The following SKAP2 variants were observed in gnomAD, a reference collection of about 807,000 sequenced individuals.
SKAP2 encodes src kinase-associated phosphoprotein 2.
In SKAP2, 28 loss-of-function variants were observed where a neutral mutation model predicts 54.9. That is an observed-to-expected ratio of 0.51 (90% CI 0.38 to 0.70). The LOEUF (loss-of-function observed/expected upper bound fraction) is 0.70. Ranked by LOEUF, SKAP2 falls within the 30% of genes least tolerant of loss-of-function variation. SKAP2 has a pLI of 0.00. For missense variants in SKAP2, 356 were observed against 424.1 expected, an observed-to-expected ratio of 0.84 and a Z score of 1.41; for synonymous variants, 137 against 134.3, an observed-to-expected ratio of 1.02 and a Z score of -0.14.
intron 4 of SKAP2, among the ~76,000 whole-genome samples, chr7:26,818,961 T>G (rs1784327806): frequency 6.6e-6 from 1 of 152,180 alleles, no homozygotes; most frequent in African/African-American, 2.4e-5. Flanking sequence ...CAAATGCTTT[T>G]ACACTGTTCG....
chr7:26,792,688 G>A (rs1783695559), intron 4 of SKAP2, among the ~76,000 whole-genome samples: 1 of 152,084 alleles, frequency 6.6e-6, no homozygotes, highest in African/African-American at 2.4e-5. Context: ...GAAAATAAGA[G>A]TGAGTGAGCT....
At chr7:26,793,036 T>C (rs528329187) in intron 4 of SKAP2, among the ~76,000 whole-genome samples, 58 of 152,344 alleles carry the variant, frequency 3.8e-4, no homozygotes, top group Middle Eastern at 3.4e-3. Context: ...TCTTTTCTAA[T>C]GGCAATTAGG....
intron 4 of SKAP2, among the ~76,000 whole-genome samples, chr7:26,802,892 C>T (rs1052454945): frequency 1.3e-5 from 2 of 151,890 alleles, no homozygotes; most frequent in East Asian, 1.9e-4. Flanking sequence ...TAAATAAATG[C>T]TGCTTGGAAA....
chr7:26,817,367 A>G (rs1784288450), intron 4 of SKAP2, among the ~76,000 whole-genome samples: 1 of 152,150 alleles, frequency 6.6e-6, no homozygotes, highest in South Asian at 2.1e-4. Context: ...GAGAGGAAAT[A>G]TTTCATGATA....
intron 4 of SKAP2, among the ~76,000 whole-genome samples, chr7:26,828,147 A>T (rs573761394): frequency 7.0e-4 from 106 of 152,308 alleles, no homozygotes; most frequent in African/African-American, 2.5e-3. Flanking sequence ...GAGAACCCAG[A>T]AAGTCAACAA....
intron 9 of SKAP2, among the ~76,000 whole-genome samples, chr7:26,713,826 C>G (rs1364373677): frequency 6.6e-6 from 1 of 152,090 alleles, no homozygotes; most frequent in Non-Finnish European, 1.5e-5. Flanking sequence ...GTCTCTATCT[C>G]CTGACCTCGT....
At chr7:26,843,791 G>GAT (rs1212898311) in intron 4 of SKAP2, among the ~76,000 whole-genome samples, 1 of 151,814 alleles carries the variant, frequency 6.6e-6, no homozygotes, top group Non-Finnish European at 1.5e-5. Context: ...TTCATATGAT[G>GAT]ATACAGGCAC....
rs188612953 is a variant in SKAP2 at position 26,812,608 on chromosome 7, T to C, written c.307+31422A>G. Among the ~76,000 whole-genome samples the C allele has an allele frequency of 2.8e-3, 424 of 152,274 alleles. 5 individuals are homozygous for C. In the Middle Eastern group the frequency reaches 0.034, roughly 12 times the overall value. On this transcript the variant is annotated intron_variant, in intron 4 of 12. Transcript: ENST00000345317. ...CCATGAATTACGTCGACAAAATATG[T>C]TAAACAATGGGTTTAAATGATGTAT...
In SKAP2 at chr7:26,702,454, G is replaced by A. The variant is rs139859205; in HGVS notation, c.797-12092C>T. ...CACTGCGCCCAGCCATGTTTGAACC[G>A]TATCTCAAGAAAGAAAAAGATATGA... On this transcript the variant is annotated intron_variant, in intron 9 of 12. Coordinates refer to ENST00000345317, the MANE Select transcript of SKAP2 (RefSeq NM_003930.5). Among the ~76,000 whole-genome samples the A allele has an allele frequency of 4.8e-3, 724 of 152,094 alleles. 6 individuals carry two copies. The highest frequency in any genetic ancestry group is 0.016 in the African/African-American group (675 of 41,500).
intron 3 of SKAP2, among the ~76,000 whole-genome samples, chr7:26,847,522 G>T (rs1784950889): frequency 6.6e-6 from 1 of 151,880 alleles, no homozygotes; most frequent in Non-Finnish European, 1.5e-5. Flanking sequence ...AGTTCAACTT[G>T]CATTTATGTA....
intron 10 of SKAP2, among the ~76,000 whole-genome samples, chr7:26,686,835 C>G (rs212854): frequency 0.46 from 70,425 of 151,918 alleles, 17,172 homozygotes; most frequent in East Asian, 0.6. Context: ...CGAGGCCCTC[C>G]CCCACAGTAA....
chr7:26,770,455 G>A (rs557925715), intron 4 of SKAP2, among the ~76,000 whole-genome samples: 33 of 152,100 alleles, frequency 2.2e-4, no homozygotes, highest in South Asian at 8.3e-4. Flanking sequence ...CTTTTCCAGG[G>A]GAATGAACAG....
intron 4 of SKAP2, among the ~76,000 whole-genome samples, chr7:26,825,115 C>T (rs1371692308): frequency 2.0e-5 from 3 of 152,088 alleles, no homozygotes; most frequent in African/African-American, 4.8e-5. Context: ...AAATCTTGCA[C>T]CTAATCAGTT....
chr7:26,705,831 T>C (rs1484818340), intron 9 of SKAP2, among the ~76,000 whole-genome samples: 1 of 152,120 alleles, frequency 6.6e-6, no homozygotes, highest in African/African-American at 2.4e-5. Flanking sequence ...TGGCCAAAAA[T>C]TTAGCAGGAG....
At chr7:26,841,772 T>C (rs1322171767) in intron 4 of SKAP2, among the ~76,000 whole-genome samples, 5 of 152,040 alleles carry the variant, frequency 3.3e-5, no homozygotes, top group Admixed American at 6.6e-5. Flanking sequence ...ATTAGCATTA[T>C]GAAAAATACA....
chr7:26,700,085 C>A (rs1296458712), intron 9 of SKAP2, among the ~76,000 whole-genome samples: 1 of 152,048 alleles, frequency 6.6e-6, no homozygotes, highest in Non-Finnish European at 1.5e-5. Context: ...TGAGAGCAAG[C>A]CTGTATCCAA....
intron 9 of SKAP2, among the ~76,000 whole-genome samples, chr7:26,715,759 A>G (rs1002316061): frequency 1.3e-5 from 2 of 152,174 alleles, no homozygotes; most frequent in Admixed American, 1.3e-4. Flanking sequence ...AGCCTGGGTG[A>G]CAAGAACAAA....
chr7:26,677,922 A>G (rs1786388249), intron 11 of SKAP2, among the ~76,000 whole-genome samples: 1 of 152,236 alleles, frequency 6.6e-6, no homozygotes, highest in African/African-American at 2.4e-5. Flanking sequence ...GTTGTTTAGA[A>G]CTGGGATGTG....
At chr7:26,666,867 A>G (rs1447447178), downstream of SKAP2, among the ~76,000 whole-genome samples, 4 of 152,178 alleles carry the variant, frequency 2.6e-5, no homozygotes, top group African/African-American at 9.6e-5. Flanking sequence ...CATTTGTATT[A>G]TCCTTACTTC....
Sources: gnomAD v4.1 joint callset for allele counts (sites outside exome capture counted in the v4.1 genomes callset) on GRCh38, gnomAD v4.1.1 for gene constraint, MANE v1.5 for transcripts, NCBI Gene and HGNC (gene_info 2026-07-23, HGNC 2026-07-21) for gene names.